Variants in FRYL observed in about 807,000 individuals in gnomAD.
FRYL encodes protein furry homolog-like.
FRYL carries 150 observed loss-of-function variants against 351.2 expected under a neutral mutation model. The ratio of observed to expected loss-of-function variants is 0.43; its 90% CI spans 0.37 to 0.49. The LOEUF (loss-of-function observed/expected upper bound fraction) is 0.49. Ranked by LOEUF, FRYL falls within the 20% of genes least tolerant of loss-of-function variation. The pLI, the probability that FRYL is intolerant of heterozygous loss-of-function variation, is 0.00. For missense variants in FRYL, 3,036 were observed against 3,619.3 expected, an observed-to-expected ratio of 0.84 and a Z score of 4.13; for synonymous variants, 1,153 against 1,257.1, an observed-to-expected ratio of 0.92 and a Z score of 1.75.
rs1732495595 is a variant in FRYL, at chr4:48,550,629, G to A, written c.4596C>T (p.Tyr1532=). 1 of 1,613,612 alleles carries A rather than the reference G, an allele frequency of 6.2e-7. No homozygotes were observed. Among genetic ancestry groups the A allele is most frequent in the South Asian group, 1.1e-5 (1 of 91,082 alleles). The change falls in exon 38 of 64, where the codon TAC becomes TAT. Residue 1532 remains tyrosine, a synonymous_variant. Transcript: ENST00000358350. ...NRQHHRLESR[Y]SSSSGGSYEE... ...CATAAGATCCTCCAGAGCTGCTACTGTATCGGGATTCTAGTCTGTGATGTT... is the reference window on the plus strand; with the variant it reads ...CATAAGATCCTCCAGAGCTGCTACTATATCGGGATTCTAGTCTGTGATGTT...
intron 3 of FRYL, among the ~76,000 whole-genome samples, chr4:48,658,765 T>C (rs1234366128): frequency 6.7e-6 from 1 of 150,224 alleles, no homozygotes; most frequent in African/African-American, 2.5e-5. Context: ...AATAAATAAA[T>C]AAATAAATAA....
At chr4:48,752,358 C>G (rs1426538427) in intron 1 of FRYL, among the ~76,000 whole-genome samples, 1 of 152,238 alleles carries the variant, frequency 6.6e-6, no homozygotes, top group Non-Finnish European at 1.5e-5. Context: ...AATGAACCAT[C>G]TTGACTCCGG....
At chr4:48,613,954 C>CAAAAAAAAAAAAAAA (rs35519906) in intron 7 of FRYL, among the ~76,000 whole-genome samples, 1 of 115,070 alleles carries the variant, frequency 8.7e-6, no homozygotes, top group Non-Finnish European at 1.8e-5. Flanking sequence ...TGACTCCAAC[C>CAAAAAAAAAAAAAAA]AAAAAAAAAA....
At chr4:48,747,695 CAT>C (rs887704540) in intron 1 of FRYL, among the ~76,000 whole-genome samples, 4 of 152,182 alleles carry the variant, frequency 2.6e-5, no homozygotes, top group Non-Finnish European at 5.9e-5. Context: ...GTTGTTCCCA[CAT>C]ATCTTTCCAA....
At chr4:48,689,725 T>C (rs187336333) in intron 2 of FRYL, among the ~76,000 whole-genome samples, 263 of 152,306 alleles carry the variant, frequency 1.7e-3, no homozygotes, top group African/African-American at 5.9e-3. Flanking sequence ...CTTTAGAAAT[T>C]TGAAAGAGGT....
intron 14 of FRYL, 64 bp downstream of exon 14, chr4:48,595,833 C>A: frequency 8.5e-7 from 1 of 1,182,160 alleles, no homozygotes; most frequent in Non-Finnish European, 1.2e-6. Context: ...CTAAAATTCC[C>A]AATAGTGTGT....
At chr4:48,605,476 T>G (rs1441422928) in intron 11 of FRYL, among the ~76,000 whole-genome samples, 2 of 152,194 alleles carry the variant, frequency 1.3e-5, no homozygotes, top group African/African-American at 4.8e-5. Context: ...AGAATGTAAT[T>G]AATCTCCATT....
At chr4:48,694,888 A>G (rs1413628637) in intron 2 of FRYL, among the ~76,000 whole-genome samples, 3 of 152,126 alleles carry the variant, frequency 2.0e-5, no homozygotes, top group Non-Finnish European at 2.9e-5. Flanking sequence ...CCTGGGCAAC[A>G]TAGTGAAACC....
chr4:48,700,030 G>A (rs1223016792), intron 2 of FRYL, among the ~76,000 whole-genome samples: 2 of 152,136 alleles, frequency 1.3e-5, no homozygotes, highest in East Asian at 1.9e-4. Flanking sequence ...AACAGAGTCC[G>A]ACTGCCTATC....
At chr4:48,718,204 A>C (rs1769081444) in intron 1 of FRYL, among the ~76,000 whole-genome samples, 1 of 151,634 alleles carries the variant, frequency 6.6e-6, no homozygotes, top group Non-Finnish European at 1.5e-5. Context: ...TACTATAATT[A>C]CATAGTTTAG....
Position 48,545,644 on chromosome 4 carries a change from C to T in FRYL, c.5279+423G>A, listed in dbSNP as rs116242337. Among the ~76,000 whole-genome samples, 631 of 152,278 alleles carry T rather than the reference C, an allele frequency of 4.1e-3. 7 individuals are homozygous for T. Among genetic ancestry groups the T allele is most frequent in the African/African-American group, 0.014 (570 of 41,566 alleles). On this transcript the variant is annotated intron_variant, in intron 42 of 63. Coordinates refer to ENST00000358350, the MANE Select transcript of FRYL (RefSeq NM_015030.2). The stretch of plus-strand genomic sequence containing the variant: ...TGCATTACAGTCAGAGTGGATTCCT[C>T]ACCATTTCCAAACACATGGTTTTCT...
intron 31 of FRYL, 126 bp downstream of exon 31, chr4:48,563,822 G>A (rs1290643003): frequency 3.0e-6 from 3 of 1,002,482 alleles, no homozygotes; most frequent in Admixed American, 5.7e-5. Context: ...GAGGGGTCCT[G>A]GAACCAATCC....
At chr4:48,565,840 C>G (rs78824761) in intron 28 of FRYL, 149 bp from the exon 29 acceptor site, 19,906 of 706,456 alleles carry the variant, frequency 0.028, 333 homozygotes, top group Admixed American at 0.05. Flanking sequence ...TAGCAGGGAT[C>G]ATTTATATAT....
intron 13 of FRYL, among the ~76,000 whole-genome samples, chr4:48,600,364 T>C (rs891820554): frequency 1.3e-5 from 2 of 152,198 alleles, no homozygotes; most frequent in Non-Finnish European, 2.9e-5. Flanking sequence ...TTCTGCTGAA[T>C]AGAGCCTTAA....
intron 3 of FRYL, among the ~76,000 whole-genome samples, chr4:48,682,651 A>G (rs1433742133): frequency 2.0e-5 from 3 of 152,240 alleles, no homozygotes; most frequent in Admixed American, 2.0e-4. Context: ...TATGCAGCCA[A>G]CAAACATACG....
In FRYL at chr4:48,634,418, T is replaced by C; in HGVS notation, c.-8A>G. On this transcript the variant is annotated 5_prime_UTR_variant, in exon 4 of 64. Transcript: ENST00000358350. ...AATCGTAATGTTTGACATGATGATA[T>C]TTTTTTTTCCCCAAGTGGAATGAAA... 1 of 1,588,750 alleles carries C rather than the reference T, an allele frequency of 6.3e-7. No individual in the cohort carries two copies.
intron 2 of FRYL, among the ~76,000 whole-genome samples, chr4:48,703,875 A>C (rs535967315): frequency 1.2e-4 from 18 of 152,202 alleles, no homozygotes; most frequent in Non-Finnish European, 2.4e-4. Context: ...TTGTTGAATA[A>C]ATAATGAATA....
intron 1 of FRYL, among the ~76,000 whole-genome samples, chr4:48,766,931 T>C (rs1300727415): frequency 6.7e-6 from 1 of 149,862 alleles, no homozygotes; most frequent in Non-Finnish European, 1.5e-5. Context: ...TCATTAAAAT[T>C]ATGAATTTTG....
At chr4:48,594,375 T>C (rs983308094) in intron 15 of FRYL, among the ~76,000 whole-genome samples, 6 of 150,418 alleles carry the variant, frequency 4.0e-5, no homozygotes, top group African/African-American at 1.5e-4. Flanking sequence ...TCAGGAAGAA[T>C]GGGGCTCTAG....
Sources: gnomAD v4.1 joint callset for allele counts (sites outside exome capture counted in the v4.1 genomes callset) on GRCh38, gnomAD v4.1.1 for gene constraint, MANE v1.5 for transcripts, NCBI Gene and HGNC (gene_info 2026-07-23, HGNC 2026-07-21) for gene names.